The following TAS2R1 variants were observed in gnomAD, a reference collection of about 807,000 sequenced individuals.
TAS2R1 encodes the protein taste 2 receptor member 1.
For missense variants in TAS2R1, 370 were observed against 353.4 expected (o/e 1.05, Z -0.38); for synonymous variants, 141 against 134.2 (o/e 1.05, Z -0.35).
chr5:9,685,827 C>G (rs1233447908), intron 1 of TAS2R1, among the ~76,000 whole-genome samples: 1 of 152,072 alleles, frequency 6.6e-6, no homozygotes, highest in Non-Finnish European at 1.5e-5. Context: ...CAGGAAAATC[C>G]TTTAGGTACA....
the TAS2R1 span, among the ~76,000 whole-genome samples, chr5:9,834,669 C>T: frequency 6.6e-6 from 1 of 151,852 alleles, no homozygotes; most frequent in African/African-American, 2.4e-5. Context: ...CCCTCCCCTG[C>T]ATTAGAAAGA....
chr5:9,875,866 T>C, the TAS2R1 span, among the ~76,000 whole-genome samples: 1 of 152,222 alleles, frequency 6.6e-6, no homozygotes, highest in African/African-American at 2.4e-5. Flanking sequence ...AAAGTGCTCA[T>C]GAACTTCTTT....
chr5:9,775,681 C>T, the TAS2R1 span, among the ~76,000 whole-genome samples: 1 of 152,034 alleles, frequency 6.6e-6, no homozygotes. Flanking sequence ...TGGGTTCTTC[C>T]CTTCAAGGCA....
chr5:9,681,292 A>G (rs1740990709), intron 1 of TAS2R1, among the ~76,000 whole-genome samples: 1 of 151,904 alleles, frequency 6.6e-6, no homozygotes, highest in Admixed American at 6.6e-5. Flanking sequence ...TGTGGGGCAT[A>G]TGGGGACCCT....
intron 1 of TAS2R1, among the ~76,000 whole-genome samples, chr5:9,703,008 C>T (rs1289483696): frequency 6.6e-6 from 1 of 152,080 alleles, no homozygotes; most frequent in Non-Finnish European, 1.5e-5. Context: ...AACTTCACAC[C>T]TTAAAGAAAA....
the TAS2R1 span, among the ~76,000 whole-genome samples, chr5:9,835,668 T>C: frequency 6.6e-6 from 1 of 152,094 alleles, no homozygotes; most frequent in African/African-American, 2.4e-5. Flanking sequence ...ACACCCATGG[T>C]GCCACCTGAC....
the TAS2R1 span, among the ~76,000 whole-genome samples, chr5:9,738,140 C>T: frequency 6.6e-6 from 1 of 152,200 alleles, no homozygotes; most frequent in African/African-American, 2.4e-5. Flanking sequence ...TTTCTTCCTG[C>T]AAGAGCTGAG....
chr5:9,680,184 A>C (rs1251044483), intron 1 of TAS2R1, among the ~76,000 whole-genome samples: 1 of 152,212 alleles, frequency 6.6e-6, no homozygotes, highest in East Asian at 1.9e-4. Context: ...CAAAATAATA[A>C]AATATTACTG....
At chr5:9,726,339 A>C in the TAS2R1 span, among the ~76,000 whole-genome samples, 91 of 152,344 alleles carry the variant, frequency 6.0e-4, no homozygotes, top group African/African-American at 2.0e-3. Context: ...TAAATGCACC[A>C]ATCAGCGCCC....
intron 2 of TAS2R1, among the ~76,000 whole-genome samples, chr5:9,647,326 G>A (rs940425034): frequency 6.6e-6 from 1 of 152,146 alleles, no homozygotes; most frequent in Non-Finnish European, 1.5e-5. Context: ...ATTTGCTTTA[G>A]TTTTGACCAG....
chr5:9,774,712 T>C, the TAS2R1 span, among the ~76,000 whole-genome samples: 2 of 152,250 alleles, frequency 1.3e-5, no homozygotes, highest in Non-Finnish European at 2.9e-5. Flanking sequence ...CTTTGTGGTC[T>C]TGGATAAGAT....
the TAS2R1 span, among the ~76,000 whole-genome samples, chr5:9,767,052 G>T: frequency 2.6e-5 from 4 of 152,070 alleles, no homozygotes; most frequent in South Asian, 8.3e-4. Context: ...TCCAGCCATG[G>T]CCTCTCCAGA....
chr5:9,854,910 T>A, the TAS2R1 span, among the ~76,000 whole-genome samples: 1 of 152,218 alleles, frequency 6.6e-6, no homozygotes, highest in Non-Finnish European at 1.5e-5. Flanking sequence ...AATAATACCC[T>A]CAGACACTGA....
the TAS2R1 span, among the ~76,000 whole-genome samples, chr5:9,799,088 C>T: frequency 6.6e-5 from 10 of 152,316 alleles, no homozygotes; most frequent in East Asian, 3.9e-4. Flanking sequence ...GACAGTGCCT[C>T]CCCCTCACCA....
chr5:9,696,635 C>T (rs1466265935), intron 1 of TAS2R1, among the ~76,000 whole-genome samples: 2 of 151,864 alleles, frequency 1.3e-5, no homozygotes, highest in Non-Finnish European at 2.9e-5. Flanking sequence ...AGCATATAGC[C>T]AAGTATGTAA....
chr5:9,671,204 T>C (rs1740746976), intron 1 of TAS2R1, among the ~76,000 whole-genome samples: 1 of 152,194 alleles, frequency 6.6e-6, no homozygotes, highest in Non-Finnish European at 1.5e-5. Flanking sequence ...GGGCAAAAGC[T>C]GGGAGCATTC....
intron 1 of TAS2R1, among the ~76,000 whole-genome samples, chr5:9,688,969 T>C (rs16883367): frequency 0.024 from 3,614 of 152,114 alleles, 61 homozygotes; most frequent in East Asian, 0.083. Flanking sequence ...TGGGAAGAAG[T>C]GCTAGGCAGA....
chr5:9,709,284 C>T (rs559821623), intron 1 of TAS2R1, among the ~76,000 whole-genome samples: 1 of 152,004 alleles, frequency 6.6e-6, no homozygotes, highest in Non-Finnish European at 1.5e-5. Context: ...AATTATAGGG[C>T]CTCGCTGATT....
intron 1 of TAS2R1, among the ~76,000 whole-genome samples, chr5:9,689,888 A>G (rs2093734665): frequency 6.6e-6 from 1 of 152,218 alleles, no homozygotes; most frequent in African/African-American, 2.4e-5. Flanking sequence ...GGATGAAGTA[A>G]TCATCTTGCT....
Sources: allele counts gnomAD v4.1 joint callset (sites outside exome capture counted in the v4.1 genomes callset), GRCh38; gene constraint gnomAD v4.1.1; transcripts MANE v1.5; gene names NCBI Gene and HGNC (gene_info 2026-07-23, HGNC 2026-07-21).